The following RALGAPA2 variants were observed in gnomAD, a reference collection of about 807,000 sequenced individuals.
The protein encoded by RALGAPA2 is ral GTPase-activating protein subunit alpha-2.
A neutral mutation model predicts 230.4 loss-of-function variants in RALGAPA2; 139 were observed. The observed-to-expected ratio is 0.60, with a 90% CI of 0.53 to 0.69. The LOEUF (loss-of-function observed/expected upper bound fraction) is 0.69. Ranked by LOEUF, RALGAPA2 falls within the 30% of genes least tolerant of loss-of-function variation. The pLI is 0.00. For missense variants in RALGAPA2, 2,163 were observed against 2,276.0 expected (o/e 0.95, Z 1.01); for synonymous variants, 847 against 837.8 (o/e 1.01, Z -0.19).
chr20:20,697,489 G>A (rs1448916741), intron 1 of RALGAPA2, among the ~76,000 whole-genome samples: 1 of 152,168 alleles, frequency 6.6e-6, no homozygotes, highest in Non-Finnish European at 1.5e-5. Flanking sequence ...ATGGGCGTGG[G>A]CAGAGCTATA....
Position 20,605,207 on chromosome 20 carries a change from C to T in RALGAPA2, c.2006G>A (p.Ser669Asn), listed in dbSNP as rs371199891. The change falls in exon 15 of 40, where the codon AGT (serine) becomes AAT (asparagine). Residue 669 changes from serine (S) to asparagine (N), a missense_variant. Coordinates refer to ENST00000202677, the MANE Select transcript of RALGAPA2 (RefSeq NM_020343.4). ...TCGTTGCTTCTTTTCCTTTTGTTCA[C>T]TTAATTTATCCAGAGGTAGGTTTGT... is the stretch of plus-strand genomic sequence containing the variant. ...EMTNLPLDKL[S>N]EQKEKKQRGK... is the part of the protein sequence containing the mutation. The T allele has an allele frequency of 3.0e-5, 49 of 1,613,022 alleles. No individual in the cohort carries two copies. The African/African-American group carries it at 5.2e-4, about 17-fold the overall frequency.
chr20:20,546,313 A>ACCAAGACT (rs2063773102), intron 24 of RALGAPA2, among the ~76,000 whole-genome samples: 1 of 152,162 alleles, frequency 6.6e-6, no homozygotes, highest in Admixed American at 6.5e-5. Flanking sequence ...ACTTATAATA[A>ACCAAGACT]CCAAGACTTA....
At chr20:20,658,829 T>C (rs577971050) in intron 3 of RALGAPA2, among the ~76,000 whole-genome samples, 1 of 152,318 alleles carries the variant, frequency 6.6e-6, no homozygotes, top group South Asian at 2.1e-4. Context: ...GGAAATATTT[T>C]TAAATTATTA....
Position 20,521,114 on chromosome 20 carries a change from G to C in RALGAPA2, c.3901-14C>G. ...GCAGTGCAAAACCTGTGAAAACAGA[G>C]GCCATGTGCACCACGGATGCTACTC... On this transcript the variant is annotated splice_polypyrimidine_tract_variant and intron_variant, in intron 30 of 39. Coordinates refer to ENST00000202677, the MANE Select transcript of RALGAPA2 (RefSeq NM_020343.4). 6.3e-7 allele frequency: 1 copy of C among 1,584,152 alleles called. No homozygotes were observed. The highest frequency in any genetic ancestry group is 8.6e-7 in the Non-Finnish European group (1 of 1,158,820).
At chr20:20,637,324 C>T (rs2066890586) in intron 8 of RALGAPA2, 39 bp downstream of exon 8, 1 of 1,470,708 alleles carries the variant, frequency 6.8e-7, no homozygotes, top group Non-Finnish European at 9.1e-7. Context: ...CATAGCTTTC[C>T]TTTGGATATC....
chr20:20,632,699 A>C (rs903501879), intron 9 of RALGAPA2, among the ~76,000 whole-genome samples: 28 of 152,234 alleles, frequency 1.8e-4, no homozygotes, highest in Admixed American at 3.3e-4. Flanking sequence ...AAGTGAATAA[A>C]GGTATCTCAT....
intron 14 of RALGAPA2, among the ~76,000 whole-genome samples, chr20:20,606,835 C>T (rs1181228127): frequency 6.6e-6 from 1 of 152,182 alleles, no homozygotes. Context: ...ATTTCCTTCC[C>T]ATAAAATTGC....
rs145560536 is a variant in RALGAPA2 at position 20,547,645 on chromosome 20, T to TTGTG, written c.3157-817_3157-814dup. ...TCTGAAGCCATCTGTGCAAGCGTGT[T>TTGTG]TGTGTGTGTGTGTGTGTAACAGGAA... On this transcript the variant is annotated intron_variant, in intron 23 of 39. Transcript: ENST00000202677. 4.1e-4 allele frequency among the ~76,000 whole-genome samples: 62 copies of TTGTG among 151,686 alleles called. 1 individual carries two copies. The highest frequency in any genetic ancestry group is 3.8e-3 in the South Asian group (18 of 4,788).
intron 23 of RALGAPA2, 32 bp downstream of exon 23, chr20:20,571,426 T>C (rs1242772016): frequency 6.4e-7 from 1 of 1,573,806 alleles, no homozygotes; most frequent in South Asian, 1.1e-5. Flanking sequence ...TTCCAATTAA[T>C]GGGCAATCAC....
At chr20:20,675,314 A>G (rs2068280198) in intron 3 of RALGAPA2, among the ~76,000 whole-genome samples, 1 of 152,154 alleles carries the variant, frequency 6.6e-6, no homozygotes, top group Non-Finnish European at 1.5e-5. Flanking sequence ...CTGGGCAGGA[A>G]GTTTCCCATA....
In RALGAPA2 at chr20:20,605,288, T is replaced by C. The variant is rs747133213; in HGVS notation, c.1925A>G (p.Asn642Ser). The C allele has an allele frequency of 4.3e-6, 7 of 1,613,720 alleles. No homozygotes were observed. Among genetic ancestry groups the C allele is most frequent in the East Asian group, 2.2e-5 (1 of 44,842 alleles). The change falls in exon 15 of 40, where the codon AAC becomes AGC. Residue 642 changes from asparagine (N) to serine (S), a missense_variant. Transcript: ENST00000202677. ...EWEELINEWA[N>S]IMDSLTAVLA... ...CACTGCTGTCAAGGAGTCCATAATG[T>C]TGGCCCACTCGTTTATAAGTTCCTC...
intron 10 of RALGAPA2, among the ~76,000 whole-genome samples, chr20:20,626,746 A>G (rs759674169): frequency 9.9e-5 from 15 of 152,262 alleles, no homozygotes; most frequent in Non-Finnish European, 2.1e-4. Flanking sequence ...TATAGATCAG[A>G]GTCAGCAAAC....
Position 20,511,309 on chromosome 20 carries a change from A to G in RALGAPA2, c.4873T>C (p.Leu1625=). Residue 1625 remains leucine, a synonymous_variant, in exon 33 of 40, where the codon TTG becomes CTG. Coordinates refer to ENST00000202677, the MANE Select transcript of RALGAPA2 (RefSeq NM_020343.4). The part of the protein sequence containing the change: ...SWDRRKNFHL[L]KKNSKLLREL... The stretch of plus-strand genomic sequence containing the variant: ...CTCAATAATTTTGAATTTTTCTTCA[A>G]TAGATGAAAATTCTTCCTATAAAGA... The G allele has an allele frequency of 1.3e-6, 2 of 1,557,202 alleles. No homozygotes were observed. The highest frequency in any genetic ancestry group is 1.7e-6 in the Non-Finnish European group (2 of 1,150,256).
intron 1 of RALGAPA2, among the ~76,000 whole-genome samples, chr20:20,681,463 C>G (rs1044099736): frequency 6.6e-6 from 1 of 152,154 alleles, no homozygotes; most frequent in Admixed American, 6.5e-5. Context: ...GTGTGGGGAA[C>G]TTAGCACAGT....
chr20:20,460,345 A>C (rs2061273121), intron 37 of RALGAPA2, among the ~76,000 whole-genome samples: 1 of 152,260 alleles, frequency 6.6e-6, no homozygotes, highest in Non-Finnish European at 1.5e-5. Flanking sequence ...ATTCAAAGCC[A>C]AAAACTAAGT....
rs2066133478 is a variant in RALGAPA2 at position 20,616,080 on chromosome 20, G to GC, written c.1650dup (p.Arg551AlafsTer10). On this transcript the variant is annotated frameshift_variant, in exon 13 of 40. Transcript: ENST00000202677. LOFTEE classifies it high-confidence loss of function. Reference sequence around the variant, plus strand: ...TTCATTGTAAGCTCCATTATCATGCGCCTAAAAATAATCAAAACAGCTTTA... The same window carrying GC: ...TTCATTGTAAGCTCCATTATCATGCGCCCTAAAAATAATCAAAACAGCTTTA... 3.9e-6 allele frequency: 6 copies of GC among 1,548,840 alleles called. No individual in the cohort carries two copies. Among genetic ancestry groups the GC allele is most frequent in the Non-Finnish European group, 5.2e-6 (6 of 1,146,566 alleles).
At chr20:20,537,619 CA>C (rs373034061) in intron 24 of RALGAPA2, among the ~76,000 whole-genome samples, 867 of 41,080 alleles carry the variant, frequency 0.021, 1 homozygote, top group African/African-American at 0.044. Context: ...GACTCCATCT[CA>C]AAAAAAAAAA....
intron 20 of RALGAPA2, among the ~76,000 whole-genome samples, chr20:20,579,299 T>TA (rs1408924162): frequency 6.6e-6 from 1 of 152,226 alleles, no homozygotes; most frequent in Non-Finnish European, 1.5e-5. Context: ...AAGTATTTAT[T>TA]AAATGCTTCT....
chr20:20,536,838 T>C, intron 24 of RALGAPA2, 54 bp from the exon 25 acceptor site: 1 of 1,555,300 alleles, frequency 6.4e-7, no homozygotes, highest in African/African-American at 1.4e-5. Flanking sequence ...GTTAGAAACG[T>C]TAAATAAGTG....
Sources: allele counts gnomAD v4.1 joint callset (sites outside exome capture counted in the v4.1 genomes callset), GRCh38; gene constraint gnomAD v4.1.1; transcripts MANE v1.5; gene names NCBI Gene and HGNC (gene_info 2026-07-23, HGNC 2026-07-21).